The following CREB5 variants were observed in gnomAD, a reference collection of about 807,000 sequenced individuals.
CREB5 encodes cAMP responsive element binding protein 5, also known as cyclic AMP-responsive element-binding protein 5.
A neutral mutation model predicts 57.1 loss-of-function variants in CREB5; 19 were observed. The ratio of observed to expected loss-of-function variants is 0.33; its 90% CI spans 0.23 to 0.49. The LOEUF (loss-of-function observed/expected upper bound fraction) is 0.49. Ranked by LOEUF, CREB5 falls within the 20% of genes least tolerant of loss-of-function variation. The probability of loss-of-function intolerance (pLI) is 0.99; values close to 1 mark genes in which losing one functional copy is unlikely to be tolerated. For missense variants in CREB5, 579 were observed against 671.6 expected, an observed-to-expected ratio of 0.86 and a Z score of 1.52; for synonymous variants, 238 against 238.3, an observed-to-expected ratio of 1.00 and a Z score of 0.01.
chr7:28,604,254 A>T (rs1456192541), intron 5 of CREB5, among the ~76,000 whole-genome samples: 3 of 152,200 alleles, frequency 2.0e-5, no homozygotes, highest in African/African-American at 7.2e-5. Context: ...ATACTAAAAA[A>T]ATGTGATAAA....
chr7:28,365,670 T>G (rs1327252978), intron 1 of CREB5, among the ~76,000 whole-genome samples: 1 of 152,164 alleles, frequency 6.6e-6, no homozygotes, highest in African/African-American at 2.4e-5. Flanking sequence ...TCTGGCCCCT[T>G]CACCCACTCT....
chr7:28,560,855 T>TGCGTGC (rs1554344299), intron 4 of CREB5, among the ~76,000 whole-genome samples: 6 of 56,430 alleles, frequency 1.1e-4, no homozygotes, highest in Non-Finnish European at 2.1e-4. Context: ...CGCGTGTGTG[T>TGCGTGC]GTGCGTGTGC....
chr7:28,389,737 T>G (rs1169183466), intron 1 of CREB5, among the ~76,000 whole-genome samples: 1 of 152,146 alleles, frequency 6.6e-6, no homozygotes. Context: ...AGCGGACTAG[T>G]AACTATTAAG....
At chr7:28,497,409 T>C (rs1398487759) in intron 3 of CREB5, among the ~76,000 whole-genome samples, 2 of 152,196 alleles carry the variant, frequency 1.3e-5, no homozygotes, top group African/African-American at 4.8e-5. Context: ...GGAATATTAT[T>C]TGGGGAAAAG....
At chr7:28,560,903 CGCGTGCGTGTGCGTGT>C (rs1795165198) in intron 4 of CREB5, among the ~76,000 whole-genome samples, 3 of 26,150 alleles carry the variant, frequency 1.1e-4, no homozygotes, top group East Asian at 7.0e-4. Context: ...TGTGCGTGCG[CGCGTGCGTGTGCGTGT>C]GTGCGCGTGC....
intron 5 of CREB5, among the ~76,000 whole-genome samples, chr7:28,588,841 T>C (rs1379723437): frequency 6.6e-6 from 1 of 152,278 alleles, no homozygotes; most frequent in South Asian, 2.1e-4. Context: ...TTTTTTGAGA[T>C]TGTGAATCTG....
At chr7:28,358,448 T>C (rs577503610) in intron 1 of CREB5, among the ~76,000 whole-genome samples, 2 of 152,334 alleles carry the variant, frequency 1.3e-5, no homozygotes, top group Non-Finnish European at 2.9e-5. Context: ...TCAGGACCAT[T>C]AGTGGTTCTT....
chr7:28,425,333 C>T (rs1475109806), intron 1 of CREB5, among the ~76,000 whole-genome samples: 1 of 151,524 alleles, frequency 6.6e-6, no homozygotes, highest in Non-Finnish European at 1.5e-5. Context: ...AAAAGGAATC[C>T]AGCCATAAAG....
chr7:28,343,838 T>C (rs1326655001), intron 1 of CREB5, among the ~76,000 whole-genome samples: 1 of 152,232 alleles, frequency 6.6e-6, no homozygotes, highest in Non-Finnish European at 1.5e-5. Flanking sequence ...AAGGATTCTC[T>C]TTTCTCCACA....
chr7:28,551,757 C>A (rs1030327846), intron 4 of CREB5, among the ~76,000 whole-genome samples: 2 of 152,120 alleles, frequency 1.3e-5, no homozygotes, highest in African/African-American at 4.8e-5. Context: ...CCTGCCATGC[C>A]ACACACTCCT....
intron 1 of CREB5, among the ~76,000 whole-genome samples, chr7:28,343,710 T>C (rs1334163896): frequency 1.3e-5 from 2 of 152,210 alleles, no homozygotes; most frequent in African/African-American, 4.8e-5. Context: ...ACTGGTTTCA[T>C]TTCTTTTGGA....
intron 1 of CREB5, among the ~76,000 whole-genome samples, chr7:28,363,831 G>A (rs73684306): frequency 0.083 from 12,635 of 152,202 alleles, 593 homozygotes; most frequent in East Asian, 0.16. Context: ...CTGTGAAATG[G>A]AGAGAATAAT....
intron 1 of CREB5, among the ~76,000 whole-genome samples, chr7:28,312,269 A>G (rs1033768126): frequency 6.6e-6 from 1 of 152,012 alleles, no homozygotes; most frequent in African/African-American, 2.4e-5. Flanking sequence ...CTCATATCAC[A>G]ACCCAAAGGC....
chr7:28,531,286 C>T (rs117749993), intron 4 of CREB5, among the ~76,000 whole-genome samples: 3,139 of 152,156 alleles, frequency 0.021, 47 homozygotes, highest in Non-Finnish European at 0.031. Flanking sequence ...GCTTGAAGTC[C>T]GAGATCAAGG....
chr7:28,507,034 C>G (rs713345), intron 3 of CREB5, among the ~76,000 whole-genome samples: 5,408 of 152,218 alleles, frequency 0.036, 322 homozygotes, highest in African/African-American at 0.12. Context: ...AGGATGAAAG[C>G]TGAATGTGTT....
At chr7:28,657,664 C>T (rs1184050384) in intron 5 of CREB5, among the ~76,000 whole-genome samples, 4 of 129,234 alleles carry the variant, frequency 3.1e-5, no homozygotes, top group Admixed American at 9.7e-5. Context: ...TTGCAGTGAG[C>T]GGAGATCGTG....
chr7:28,375,742 A>C (rs530379903), intron 1 of CREB5, among the ~76,000 whole-genome samples: 2 of 130,576 alleles, frequency 1.5e-5, no homozygotes, highest in South Asian at 4.5e-4. Context: ...TCTGTTATTG[A>C]AAAAAAAAAA....
intron 4 of CREB5, among the ~76,000 whole-genome samples, chr7:28,560,859 C>T (rs199639824): frequency 0.036 from 1,188 of 32,602 alleles, 91 homozygotes; most frequent in East Asian, 0.35. Flanking sequence ...TGTGTGTGTG[C>T]GTGTGCCTGC....
At chr7:28,550,329 T>C (rs1319736209) in intron 4 of CREB5, among the ~76,000 whole-genome samples, 1 of 152,174 alleles carries the variant, frequency 6.6e-6, no homozygotes, top group Non-Finnish European at 1.5e-5. Flanking sequence ...GTTGAGTGGT[T>C]ATAGTAGCTG....
Sources: allele counts gnomAD v4.1 joint callset (sites outside exome capture counted in the v4.1 genomes callset), GRCh38; gene constraint gnomAD v4.1.1; transcripts MANE v1.5; gene names NCBI Gene and HGNC (gene_info 2026-07-23, HGNC 2026-07-21).